MACROD2: variants seen among roughly 807,000 people sequenced by gnomAD.
MACROD2 encodes ADP-ribose glycohydrolase MACROD2.
MACROD2 carries 36 observed loss-of-function variants against 70.4 expected under a neutral mutation model. The observed-to-expected ratio is 0.51, with a 90% CI of 0.39 to 0.68. The LOEUF (loss-of-function observed/expected upper bound fraction) is 0.68, where lower values mean the gene tolerates loss of function less well. MACROD2 is among the 30% of genes least tolerant of loss of function. The pLI, the probability that MACROD2 is intolerant of heterozygous loss-of-function variation, is 0.00. For synonymous variants in MACROD2, 172 were observed against 178.8 expected (o/e 0.96, Z 0.30); for missense variants, 496 against 538.4 (o/e 0.92, Z 0.78).
At chr20:14,806,751 G>C (rs1021378371) in intron 5 of MACROD2, among the ~76,000 whole-genome samples, 1 of 152,054 alleles carries the variant, frequency 6.6e-6, no homozygotes, top group African/African-American at 2.4e-5. Flanking sequence ...CGAGCTTGGT[G>C]GGGGAGGGGC....
At chr20:14,687,938 C>A (rs750254385) in intron 5 of MACROD2, among the ~76,000 whole-genome samples, 3 of 152,094 alleles carry the variant, frequency 2.0e-5, no homozygotes, top group African/African-American at 4.8e-5. Flanking sequence ...CTTTCACAAG[C>A]CCTTATATTT....
At chr20:15,898,791 C>G (rs749762977) in intron 10 of MACROD2, among the ~76,000 whole-genome samples, 5 of 151,776 alleles carry the variant, frequency 3.3e-5, no homozygotes, top group Non-Finnish European at 7.4e-5. Flanking sequence ...ATTTCGGTTT[C>G]AAGAATTTCC....
chr20:14,137,970 C>T (rs1489913274), intron 3 of MACROD2, among the ~76,000 whole-genome samples: 2 of 152,108 alleles, frequency 1.3e-5, no homozygotes, highest in Non-Finnish European at 1.5e-5. Context: ...AGAAAACTTT[C>T]CAAAGGACAC....
intron 4 of MACROD2, among the ~76,000 whole-genome samples, chr20:14,619,580 GAAAA>G (rs368353334): frequency 6.6e-6 from 1 of 151,110 alleles, no homozygotes; most frequent in East Asian, 2.0e-4. Flanking sequence ...GGAGGGAAAA[GAAAA>G]AAAGGAGTAT....
chr20:14,036,424 A>G (rs6079264), intron 2 of MACROD2, among the ~76,000 whole-genome samples: 17,207 of 152,210 alleles, frequency 0.11, 1,148 homozygotes, highest in Admixed American at 0.18. Flanking sequence ...AGGAGTCTGC[A>G]CTGTTAACAA....
At chr20:15,998,747 G>A (rs1467271248) in intron 15 of MACROD2, among the ~76,000 whole-genome samples, 2 of 151,318 alleles carry the variant, frequency 1.3e-5, no homozygotes, top group Non-Finnish European at 2.9e-5. Context: ...TGTATTTTTA[G>A]TACAGATAGG....
chr20:15,838,787 A>G (rs1434544797), intron 8 of MACROD2, among the ~76,000 whole-genome samples: 1 of 152,210 alleles, frequency 6.6e-6, no homozygotes, highest in Non-Finnish European at 1.5e-5. Context: ...GAACCTTTTA[A>G]ATAAATACAT....
chr20:14,167,877 T>C (rs779187005), intron 3 of MACROD2, among the ~76,000 whole-genome samples: 8 of 152,176 alleles, frequency 5.3e-5, no homozygotes, highest in Non-Finnish European at 1.2e-4. Flanking sequence ...GCTAACTCTG[T>C]TCATCTCACC....
chr20:14,208,386 A>G (rs2081543308), intron 3 of MACROD2, among the ~76,000 whole-genome samples: 1 of 152,170 alleles, frequency 6.6e-6, no homozygotes. Flanking sequence ...CCTTTCTGGG[A>G]TAGTGCTCAG....
At position 14,838,144 on chromosome 20, in the gene MACROD2, G is replaced by A. The variant is rs1259084911; in HGVS notation, c.418+153185G>A. ...CTTGTTTGAGTCATTTGTTTATTGT[G>A]TGTAAGTGTATGTGGGTGTGTAATC... On this transcript the variant is annotated intron_variant, in intron 5 of 17. Coordinates refer to ENST00000684519, the MANE Select transcript of MACROD2 (RefSeq NM_001351661.2). 3.9e-5 allele frequency among the ~76,000 whole-genome samples: 6 copies of A among 152,018 alleles called. 1 individual carries two copies. Among genetic ancestry groups the A allele is most frequent in the Non-Finnish European group, 8.8e-5 (6 of 67,964 alleles).
At chr20:15,833,014 T>A (rs2064073987) in intron 8 of MACROD2, among the ~76,000 whole-genome samples, 1 of 152,192 alleles carries the variant, frequency 6.6e-6, no homozygotes, top group Non-Finnish European at 1.5e-5. Flanking sequence ...AAATGTCCCT[T>A]AATAACAAAT....
At chr20:15,981,061 C>T (rs1568684058) in intron 13 of MACROD2, among the ~76,000 whole-genome samples, 1 of 152,168 alleles carries the variant, frequency 6.6e-6, no homozygotes, top group Non-Finnish European at 1.5e-5. Flanking sequence ...GAAGCATAGA[C>T]AGGGAATGCC....
At chr20:14,184,473 T>A (rs972605698) in intron 3 of MACROD2, among the ~76,000 whole-genome samples, 1 of 152,142 alleles carries the variant, frequency 6.6e-6, no homozygotes, top group African/African-American at 2.4e-5. Context: ...TGCCCTCGGC[T>A]TTGTTCTTTT....
chr20:14,302,596 G>A (rs1046124162), intron 3 of MACROD2, among the ~76,000 whole-genome samples: 1 of 151,870 alleles, frequency 6.6e-6, no homozygotes, highest in Non-Finnish European at 1.5e-5. Context: ...AGGGAGTACA[G>A]CACTTTTAAA....
chr20:15,025,483 G>T (rs866854287), intron 5 of MACROD2, among the ~76,000 whole-genome samples: 7 of 151,968 alleles, frequency 4.6e-5, no homozygotes, highest in African/African-American at 1.7e-4. Flanking sequence ...TGAAACAAAG[G>T]GGGTGGGGGA....
At chr20:15,003,502 T>G (rs1158271432) in intron 5 of MACROD2, among the ~76,000 whole-genome samples, 2 of 152,194 alleles carry the variant, frequency 1.3e-5, no homozygotes, top group Non-Finnish European at 2.9e-5. Context: ...GGACAATTAG[T>G]ATGGTAGAAT....
intron 4 of MACROD2, among the ~76,000 whole-genome samples, chr20:14,520,985 A>ACC (rs2085163315): frequency 6.6e-6 from 1 of 151,470 alleles, no homozygotes; most frequent in Admixed American, 6.6e-5. Flanking sequence ...GCACACACAC[A>ACC]CCCCCCAAAT....
At chr20:15,211,064 TAAAA>T (rs1034618767) in intron 5 of MACROD2, among the ~76,000 whole-genome samples, 1 of 152,202 alleles carries the variant, frequency 6.6e-6, no homozygotes, top group African/African-American at 2.4e-5. Context: ...TTTGTTGCCT[TAAAA>T]AAGATTCTAT....
intron 5 of MACROD2, among the ~76,000 whole-genome samples, chr20:14,911,708 T>A (rs1342154988): frequency 6.6e-6 from 1 of 152,080 alleles, no homozygotes; most frequent in Non-Finnish European, 1.5e-5. Context: ...TTCTTCTTGC[T>A]GATAGAGATC....
Sources: allele counts gnomAD v4.1 joint callset (sites outside exome capture counted in the v4.1 genomes callset), GRCh38; gene constraint gnomAD v4.1.1; transcripts MANE v1.5; gene names NCBI Gene and HGNC (gene_info 2026-07-23, HGNC 2026-07-21).